KIF26B: variants seen among roughly 807,000 people sequenced by gnomAD.
KIF26B encodes kinesin-like protein KIF26B.
A neutral mutation model predicts 151.2 loss-of-function variants in KIF26B; 63 were observed. That is an observed-to-expected ratio of 0.42 (90% CI 0.34 to 0.51). The LOEUF is 0.51. Among genes scored for constraint, KIF26B ranks in the 20% least tolerant of loss-of-function variants. KIF26B has a pLI of 0.07. For synonymous variants in KIF26B, 1,357 were observed against 1,262.1 expected (o/e 1.08, Z -1.59); for missense variants, 2,813 against 2,913.6 (o/e 0.97, Z 0.79).
At chr1:245,591,623 G>A (rs934602748) in intron 5 of KIF26B, among the ~76,000 whole-genome samples, 1 of 152,164 alleles carries the variant, frequency 6.6e-6, no homozygotes, top group African/African-American at 2.4e-5. Flanking sequence ...CACTGAGGTC[G>A]GAGTGGGTCA....
At chr1:245,635,604 T>C (rs1296389565) in intron 9 of KIF26B, among the ~76,000 whole-genome samples, 1 of 151,744 alleles carries the variant, frequency 6.6e-6, no homozygotes, top group African/African-American at 2.4e-5. Context: ...TTTTTGGTTT[T>C]CTGTTTCGTT....
chr1:245,559,101 C>T (rs1662106119), intron 5 of KIF26B, among the ~76,000 whole-genome samples: 1 of 152,174 alleles, frequency 6.6e-6, no homozygotes. Flanking sequence ...AATCCCAGCA[C>T]TTTAGGAGGC....
intron 2 of KIF26B, among the ~76,000 whole-genome samples, chr1:245,302,363 C>T (rs968827313): frequency 2.6e-5 from 4 of 152,180 alleles, no homozygotes; most frequent in East Asian, 1.9e-4. Context: ...GTGAAGATAC[C>T]GTTTTGGGAT....
chr1:245,699,412 T>C (rs953953331), intron 14 of KIF26B, among the ~76,000 whole-genome samples: 5 of 150,624 alleles, frequency 3.3e-5, no homozygotes, highest in East Asian at 2.0e-4. Flanking sequence ...CAAGAATTTA[T>C]AGAGCCCTTA....
intron 5 of KIF26B, among the ~76,000 whole-genome samples, chr1:245,569,927 ATTTTTTTT>A (rs869238168): frequency 2.1e-5 from 1 of 47,652 alleles, no homozygotes; most frequent in Non-Finnish European, 3.7e-5. Context: ...TAAATAGAGA[ATTTTTTTT>A]TTTTTTTTTT....
chr1:245,675,072 G>T (rs952901030), intron 10 of KIF26B, among the ~76,000 whole-genome samples: 1 of 152,202 alleles, frequency 6.6e-6, no homozygotes, highest in Non-Finnish European at 1.5e-5. Flanking sequence ...ATGTTGGAAA[G>T]GAGACAGATT....
In KIF26B at chr1:245,644,042, G is replaced by A. The variant is rs1327525237; in HGVS notation, c.2099-2079G>A. On this transcript the variant is annotated intron_variant, in intron 9 of 14. Transcript: ENST00000407071. The stretch of plus-strand genomic sequence containing the variant: ...CATGGGTTTATGACTTTCATTAAAT[G>A]TGGGGAAGTTTTAGCCATTATTTTT... Among the ~76,000 whole-genome samples the A allele has an allele frequency of 3.9e-5, 6 of 152,100 alleles. No homozygotes were observed. The East Asian group carries it at 1.2e-3, about 29-fold the overall frequency.
At chr1:245,598,715 G>T (rs545025195) in intron 5 of KIF26B, among the ~76,000 whole-genome samples, 1 of 152,242 alleles carries the variant, frequency 6.6e-6, no homozygotes, top group South Asian at 2.1e-4. Flanking sequence ...CCATGATGCC[G>T]TCCAGAACAA....
At chr1:245,474,988 C>T (rs947065190) in intron 4 of KIF26B, among the ~76,000 whole-genome samples, 6 of 150,746 alleles carry the variant, frequency 4.0e-5, no homozygotes, top group African/African-American at 1.5e-4. Flanking sequence ...GTAAAACAAA[C>T]AAAAAAAAAT....
At chr1:245,326,649 G>T (rs1384805002) in intron 2 of KIF26B, among the ~76,000 whole-genome samples, 2 of 152,210 alleles carry the variant, frequency 1.3e-5, no homozygotes, top group African/African-American at 4.8e-5. Context: ...GCAGCAGCTG[G>T]TAAGGACCAG....
At chr1:245,411,029 T>C (rs1239187437) in intron 3 of KIF26B, among the ~76,000 whole-genome samples, 1 of 152,196 alleles carries the variant, frequency 6.6e-6, no homozygotes, top group Non-Finnish European at 1.5e-5. Flanking sequence ...TCAGAGAAAA[T>C]CCATTTTATT....
intron 10 of KIF26B, among the ~76,000 whole-genome samples, chr1:245,680,084 T>C (rs1262064101): frequency 6.6e-6 from 1 of 152,150 alleles, no homozygotes; most frequent in Non-Finnish European, 1.5e-5. Context: ...GCTAAGTCTG[T>C]GCTGACTGTT....
chr1:245,428,158 C>CCTAT (rs1658692712), intron 4 of KIF26B, among the ~76,000 whole-genome samples: 1 of 152,122 alleles, frequency 6.6e-6, no homozygotes, highest in Non-Finnish European at 1.5e-5. Context: ...CCTCTGGTTT[C>CCTAT]TTATTTATTT....
rs1376277811 is a variant in KIF26B at position 245,688,615 on chromosome 1, G to A, written c.5632G>A (p.Glu1878Lys). The A allele has an allele frequency of 3.1e-6, 5 of 1,592,196 alleles. No individual in the cohort carries two copies. Among genetic ancestry groups the A allele is most frequent in the Admixed American group, 3.5e-5 (2 of 57,442 alleles). ...CGACAACAGCAGCGTGCTGAGCGGG[G>A]AGCTCCCGCCGGCCATGGGGAAGAC... The part of the protein sequence containing the change: ...GSDNSSVLSG[E>K]LPPAMGKTAL... The change falls in exon 12 of 15, where the codon GAG (glutamate) becomes AAG (lysine). Residue 1878 changes from glutamate (E) to lysine (K), a missense_variant. Physicochemically the swap from Glu to Lys is moderately conservative, Grantham distance 56. Around this residue, in one of 3 missense-constraint regions of KIF26B, gnomAD observed 2,060 missense variants for 2,088.6 expected, o/e 0.99. Coordinates refer to ENST00000407071, the MANE Select transcript of KIF26B (RefSeq NM_018012.4).
chr1:245,521,740 T>C (rs1661115503), intron 4 of KIF26B, among the ~76,000 whole-genome samples: 1 of 152,240 alleles, frequency 6.6e-6, no homozygotes, highest in Admixed American at 6.5e-5. Context: ...TTTTGGGGAA[T>C]GCAGTTGTAG....
At chr1:245,372,538 G>A (rs1352527286) in intron 3 of KIF26B, among the ~76,000 whole-genome samples, 1 of 152,086 alleles carries the variant, frequency 6.6e-6, no homozygotes, top group African/African-American at 2.4e-5. Context: ...CCCCCAAGTA[G>A]GCCCAGTGTC....
At position 245,601,812 on chromosome 1, in the gene KIF26B, C is replaced by G. The variant is rs1293626920; in HGVS notation, c.1351-765C>G. On this transcript the variant is annotated intron_variant, in intron 5 of 14. Transcript: ENST00000407071. The surrounding 1 kb of genome is among the most constrained non-coding windows in gnomAD (Gnocchi z 4.4). Reference sequence around the variant, plus strand: ...CCTGATTTCTGTTCACCTTAGAACCCCAAGGCTGACTGTGCATTTCCATAA... The same window carrying G: ...CCTGATTTCTGTTCACCTTAGAACCGCAAGGCTGACTGTGCATTTCCATAA... Among the ~76,000 whole-genome samples, 2 of 152,180 alleles carry G rather than the reference C, an allele frequency of 1.3e-5. No homozygotes were observed. The highest frequency in any genetic ancestry group is 2.9e-5 in the Non-Finnish European group (2 of 68,032).
At chr1:245,266,920 C>T (rs557327295) in intron 2 of KIF26B, among the ~76,000 whole-genome samples, 24 of 152,316 alleles carry the variant, frequency 1.6e-4, no homozygotes, top group South Asian at 1.5e-3. Flanking sequence ...TATAGTAAAC[C>T]TCACTAAATG....
intron 2 of KIF26B, among the ~76,000 whole-genome samples, chr1:245,271,350 A>G (rs1250994717): frequency 2.0e-5 from 3 of 152,196 alleles, no homozygotes; most frequent in Admixed American, 6.5e-5. Context: ...TTCAGGTACT[A>G]TGGACATTTT....
Sources: gnomAD v4.1 joint callset for allele counts (sites outside exome capture counted in the v4.1 genomes callset) on GRCh38, gnomAD v4.1.1 for gene constraint, gnomAD v4.1.1 regional missense constraint, Gnocchi (gnomAD v3.1) non-coding constraint, MANE v1.5 for transcripts, NCBI Gene and HGNC (gene_info 2026-07-23, HGNC 2026-07-21) for gene names.